The following NR5A2 variants were observed in gnomAD, a reference collection of about 807,000 sequenced individuals.
NR5A2 encodes nuclear receptor subfamily 5 group A member 2, also known as CYP7A promoter-binding factor.
NR5A2 carries 26 observed loss-of-function variants against 62.7 expected under a neutral mutation model. The observed-to-expected ratio is 0.41, with a 90% CI of 0.30 to 0.58. NR5A2 has a LOEUF of 0.58. Ranked by LOEUF, NR5A2 falls within the 20% of genes least tolerant of loss-of-function variation. The pLI, the probability that NR5A2 is intolerant of heterozygous loss-of-function variation, is 0.22. For missense variants in NR5A2, 541 were observed against 669.1 expected, an observed-to-expected ratio of 0.81 and a Z score of 2.11; for synonymous variants, 246 against 241.7, an observed-to-expected ratio of 1.02 and a Z score of -0.16.
In NR5A2 at chr1:200,114,259, T is replaced by C. The variant is rs1666110111; in HGVS notation, c.1230+2938T>C. On this transcript the variant is annotated intron_variant, in intron 6 of 7. Coordinates refer to ENST00000367362, the MANE Select transcript of NR5A2 (RefSeq NM_205860.3). ...ACACACACACACATACACACAAATA[T>C]ATCTACATATATACATATATATACA... Among the ~76,000 whole-genome samples the C allele has an allele frequency of 2.0e-5, 3 of 150,606 alleles. No homozygotes were observed. In the South Asian group the frequency reaches 6.3e-4, roughly 32 times the overall value.
chr1:200,148,692 A>G (rs1667839339), intron 7 of NR5A2, among the ~76,000 whole-genome samples: 1 of 152,236 alleles, frequency 6.6e-6, no homozygotes, highest in African/African-American at 2.4e-5. Flanking sequence ...TAAACTTCAA[A>G]TTCACTAAAA....
intron 5 of NR5A2, among the ~76,000 whole-genome samples, chr1:200,067,193 G>A (rs540658945): frequency 3.0e-4 from 46 of 152,300 alleles, no homozygotes; most frequent in Admixed American, 5.2e-4. Context: ...AACATGGGTG[G>A]GGCTGGAGGC....
intron 7 of NR5A2, among the ~76,000 whole-genome samples, chr1:200,169,846 A>G (rs1046291185): frequency 6.6e-6 from 1 of 152,246 alleles, no homozygotes; most frequent in African/African-American, 2.4e-5. Context: ...AAATTGTATG[A>G]AAATGAAGCT....
chr1:200,078,298 C>A (rs2102230224), intron 5 of NR5A2, among the ~76,000 whole-genome samples: 1 of 152,280 alleles, frequency 6.6e-6, no homozygotes, highest in African/African-American at 2.4e-5. Flanking sequence ...GGGAAGTTAC[C>A]TACATCCCAG....
intron 1 of NR5A2, chr1:200,038,795 T>C (rs1571696442): frequency 3.2e-6 from 4 of 1,262,522 alleles, no homozygotes; most frequent in South Asian, 1.3e-5. Flanking sequence ...TGCATTTACA[T>C]CCCCCCGCCC....
intron 5 of NR5A2, among the ~76,000 whole-genome samples, chr1:200,053,775 G>GTC (rs1178842207): frequency 6.6e-6 from 1 of 152,184 alleles, no homozygotes; most frequent in Non-Finnish European, 1.5e-5. Context: ...GAGTGAATGA[G>GTC]TCACTTTAAA....
intron 5 of NR5A2, among the ~76,000 whole-genome samples, chr1:200,088,044 C>A (rs1664635572): frequency 6.6e-6 from 1 of 152,120 alleles, no homozygotes; most frequent in Non-Finnish European, 1.5e-5. Flanking sequence ...AACCACCATG[C>A]CCGGCCCCTT....
intron 7 of NR5A2, among the ~76,000 whole-genome samples, chr1:200,131,359 T>C (rs565274021): frequency 1.6e-4 from 25 of 152,366 alleles, no homozygotes; most frequent in Admixed American, 7.2e-4. Flanking sequence ...TATCATTTGT[T>C]ATTTGCTGGC....
intron 6 of NR5A2, among the ~76,000 whole-genome samples, chr1:200,112,620 G>A (rs1228197320): frequency 1.3e-5 from 2 of 152,164 alleles, no homozygotes; most frequent in Admixed American, 1.3e-4. Flanking sequence ...TGCAAATTGG[G>A]TCAATTCAAG....
At chr1:200,106,832 TCA>T (rs1665695973) in intron 5 of NR5A2, among the ~76,000 whole-genome samples, 1 of 152,188 alleles carries the variant, frequency 6.6e-6, no homozygotes, top group Admixed American at 6.5e-5. Flanking sequence ...AAGCCAGGCA[TCA>T]CATTTACCCT....
intron 7 of NR5A2, among the ~76,000 whole-genome samples, chr1:200,128,689 A>T (rs1408564270): frequency 1.3e-5 from 2 of 151,848 alleles, no homozygotes; most frequent in Non-Finnish European, 2.9e-5. Context: ...TCCCTGGGGC[A>T]GGGCAGGGTG....
At chr1:200,041,353 T>C (rs1662070684) in intron 2 of NR5A2, among the ~76,000 whole-genome samples, 2 of 152,096 alleles carry the variant, frequency 1.3e-5, no homozygotes, top group Non-Finnish European at 2.9e-5. Flanking sequence ...GGCTCAGAAG[T>C]CGCCACTCAC....
rs375683942 is a variant in NR5A2 at position 200,123,996 on chromosome 1, G to A, written c.1378+3041G>A. On this transcript the variant is annotated intron_variant, in intron 7 of 7. Coordinates refer to ENST00000367362, the MANE Select transcript of NR5A2 (RefSeq NM_205860.3). ...TTTTTGTATTTTTAGTAGAGACGGG[G>A]TTTCTCCATGTTAGCCAGGCTGGTC... Among the ~76,000 whole-genome samples, 49 of 151,928 alleles carry A rather than the reference G, an allele frequency of 3.2e-4. No individual in the cohort carries two copies. The East Asian group carries it at 9.3e-3, about 29-fold the overall frequency.
At chr1:200,066,722 G>A (rs1663493383) in intron 5 of NR5A2, among the ~76,000 whole-genome samples, 1 of 151,208 alleles carries the variant, frequency 6.6e-6, no homozygotes, top group African/African-American at 2.4e-5. Context: ...TGAGTAGCAG[G>A]AATTACAGGT....
intron 6 of NR5A2, among the ~76,000 whole-genome samples, chr1:200,112,435 G>T (rs1160403328): frequency 1.3e-5 from 2 of 152,088 alleles, no homozygotes; most frequent in Admixed American, 6.6e-5. Context: ...GTTCAGCAAT[G>T]GTGACTTCAG....
intron 6 of NR5A2, among the ~76,000 whole-genome samples, chr1:200,117,689 T>TA: frequency 1.3e-5 from 2 of 152,256 alleles, no homozygotes; most frequent in Admixed American, 6.5e-5. Context: ...TCTTCCTGAT[T>TA]CAGGCCTTAA....
chr1:200,097,752 G>A (rs886220526), intron 5 of NR5A2, among the ~76,000 whole-genome samples: 2 of 152,194 alleles, frequency 1.3e-5, no homozygotes, highest in African/African-American at 4.8e-5. Context: ...TCTTAGGAAG[G>A]GAGTGTGTAG....
chr1:200,158,598 G>A (rs1183988336), intron 7 of NR5A2, among the ~76,000 whole-genome samples: 1 of 152,142 alleles, frequency 6.6e-6, no homozygotes, highest in Non-Finnish European at 1.5e-5. Context: ...GCTAAAACAG[G>A]AAGGCATTCT....
intron 6 of NR5A2, among the ~76,000 whole-genome samples, chr1:200,116,432 T>A (rs2816970): frequency 0.99 from 150,571 of 152,364 alleles, 74,404 homozygotes; most frequent in East Asian, 1. Flanking sequence ...AGAGAAGAAA[T>A]ATAAAATAGC....
Sources: gnomAD v4.1 joint callset for allele counts (sites outside exome capture counted in the v4.1 genomes callset) on GRCh38, gnomAD v4.1.1 for gene constraint, MANE v1.5 for transcripts, NCBI Gene and HGNC (gene_info 2026-07-23, HGNC 2026-07-21) for gene names.